SMCHD1: variants seen among roughly 807,000 people sequenced by gnomAD.
SMCHD1 encodes the protein structural maintenance of chromosomes flexible hinge domain-containing protein 1.
In SMCHD1, 78 loss-of-function variants were observed where a neutral mutation model predicts 254.7. That is an observed-to-expected ratio of 0.31 (90% confidence interval 0.26 to 0.37). SMCHD1 has a LOEUF of 0.37. Among genes scored for constraint, SMCHD1 ranks in the 10% least tolerant of loss-of-function variants. The pLI is 1.00. For synonymous variants in SMCHD1, 766 were observed against 794.9 expected (o/e 0.96, Z 0.61); for missense variants, 1,840 against 2,408.1 (o/e 0.76, Z 4.94).
At chr18:2,738,241 A>G (rs375848854) in intron 25 of SMCHD1, among the ~76,000 whole-genome samples, 156 bp from the exon 26 acceptor site, 2 of 152,212 alleles carry the variant, frequency 1.3e-5, no homozygotes, top group African/African-American at 4.8e-5. Flanking sequence ...TTTGTATCAT[A>G]TTAGTATATG....
At chr18:2,698,106 TC>T in intron 10 of SMCHD1, 65 bp downstream of exon 10, 1 of 1,305,526 alleles carries the variant, frequency 7.7e-7, no homozygotes, top group Non-Finnish European at 1.1e-6. Flanking sequence ...GATTTGTTTT[TC>T]TAAATGATTA....
At chr18:2,785,000 T>C (rs1454953338) in intron 45 of SMCHD1, 2 of 340,930 alleles carry the variant, frequency 5.9e-6, no homozygotes, top group Non-Finnish European at 1.1e-5. Context: ...CAGTATTTTA[T>C]TACATAATCA....
At chr18:2,656,983 G>C (rs944201085) in intron 1 of SMCHD1, among the ~76,000 whole-genome samples, 2 of 152,186 alleles carry the variant, frequency 1.3e-5, no homozygotes, top group Admixed American at 6.5e-5. Context: ...AATGAACGTG[G>C]AGGGAAATCC....
intron 17 of SMCHD1, among the ~76,000 whole-genome samples, chr18:2,708,890 ATATATATATATATAT>A (rs1568198456): frequency 7.9e-5 from 6 of 75,524 alleles, no homozygotes; most frequent in African/African-American, 3.8e-4. Context: ...ATATATATAT[ATATATATATATATAT>A]ATAACATATT....
At chr18:2,722,490 T>C (rs1335945989) in intron 19 of SMCHD1, 29 bp from the exon 20 acceptor site, 2 of 1,598,960 alleles carry the variant, frequency 1.3e-6, no homozygotes, top group Non-Finnish European at 1.7e-6. Context: ...ATGTACTTGC[T>C]TTTCATTTCA....
chr18:2,739,146 C>T (rs1447366338), intron 26 of SMCHD1, among the ~76,000 whole-genome samples: 1 of 152,154 alleles, frequency 6.6e-6, no homozygotes, highest in Non-Finnish European at 1.5e-5. Context: ...GAGTTGTTAA[C>T]TCATCTGTTT....
At chr18:2,781,155 C>T (rs2076151512) in intron 44 of SMCHD1, among the ~76,000 whole-genome samples, 1 of 152,212 alleles carries the variant, frequency 6.6e-6, no homozygotes, top group African/African-American at 2.4e-5. Flanking sequence ...GACACCCCCT[C>T]TGTGGGGGGA....
intron 45 of SMCHD1, among the ~76,000 whole-genome samples, chr18:2,792,046 A>G (rs920104332): frequency 2.0e-5 from 3 of 152,244 alleles, no homozygotes; most frequent in East Asian, 1.9e-4. Flanking sequence ...GCGAGCTGCT[A>G]TATTCCCAAA....
chr18:2,667,096 C>A, intron 3 of SMCHD1, 65 bp downstream of exon 3: 1 of 1,133,936 alleles, frequency 8.8e-7, no homozygotes, highest in Non-Finnish European at 1.2e-6. Context: ...GATTACGTAT[C>A]CCATTCCTTC....
intron 8 of SMCHD1, 44 bp downstream of exon 8, chr18:2,694,737 T>C: frequency 6.5e-7 from 1 of 1,535,272 alleles, no homozygotes; most frequent in South Asian, 1.1e-5. Context: ...TACTTAACTT[T>C]TTTAAGGCAG....
chr18:2,707,367 C>A, intron 15 of SMCHD1, 196 bp from the exon 16 acceptor site: 2 of 308,876 alleles, frequency 6.5e-6, no homozygotes, highest in East Asian at 5.0e-5. Context: ...TTTTTTTCTT[C>A]TTCTTTTTTT....
intron 10 of SMCHD1, among the ~76,000 whole-genome samples, chr18:2,700,074 ACTT>A (rs766217436): frequency 2.0e-5 from 3 of 152,220 alleles, no homozygotes; most frequent in Non-Finnish European, 2.9e-5. Flanking sequence ...TAAAAAGTAA[ACTT>A]AATTTTAGCA....
Position 2,802,691 on chromosome 18 carries a change from T to C in SMCHD1, c.*139T>C, listed in dbSNP as rs1315454367. 1.5e-6 allele frequency: 1 copy of C among 671,742 alleles called. No individual in the cohort carries two copies. The highest frequency in any genetic ancestry group is 1.9e-5 in the African/African-American group (1 of 53,150). 41.6% of individuals were successfully genotyped at this position (671,742 alleles called of 1,614,324 possible). On this transcript the variant is annotated 3_prime_UTR_variant, in exon 48 of 48. Transcript: ENST00000320876. Reference sequence around the variant, plus strand: ...ACAAGTACCTGGGCATGAATTTCCATTTCGATTCAGATGGGACTGGAAACA... The same window carrying C: ...ACAAGTACCTGGGCATGAATTTCCACTTCGATTCAGATGGGACTGGAAACA...
At chr18:2,737,022 C>G (rs764805558) in intron 25 of SMCHD1, among the ~76,000 whole-genome samples, 1 of 152,144 alleles carries the variant, frequency 6.6e-6, no homozygotes, top group Non-Finnish European at 1.5e-5. Flanking sequence ...AGAAAATACA[C>G]CACAGAATAC....
intron 1 of SMCHD1, among the ~76,000 whole-genome samples, chr18:2,658,143 T>A (rs974360853): frequency 1.1e-4 from 17 of 152,250 alleles, no homozygotes; most frequent in African/African-American, 3.6e-4. Context: ...TTGCTTAGTT[T>A]GAAATCTTAG....
intron 12 of SMCHD1, chr18:2,701,177 T>TA: frequency 4.0e-6 from 1 of 248,654 alleles, no homozygotes; most frequent in Non-Finnish European, 7.6e-6. Context: ...TTTTTTTTTT[T>TA]AAGACAGGAG....
Position 2,656,100 on chromosome 18 carries a change from C to A in SMCHD1, c.25C>A (p.Pro9Thr). The A allele has an allele frequency of 7.1e-7, 1 of 1,411,668 alleles. No individual in the cohort carries two copies. Among genetic ancestry groups the A allele is most frequent in the Non-Finnish European group, 9.3e-7 (1 of 1,080,666 alleles). 87.4% of individuals were successfully genotyped at this position (1,411,668 alleles called of 1,614,324 possible). The change falls in exon 1 of 48, where the codon CCT becomes ACT. Residue 9 changes from proline to threonine, a missense_variant. Coordinates refer to ENST00000320876, the MANE Select transcript of SMCHD1 (RefSeq NM_015295.3). MAAADGGG[P>T]GGASVGTEED... Reference sequence around the variant, plus strand: ...TATGGCAGCGGCGGACGGCGGCGGGCCTGGTGGGGCCTCTGTGGGGACTGA... The same window carrying A: ...TATGGCAGCGGCGGACGGCGGCGGGACTGGTGGGGCCTCTGTGGGGACTGA...
intron 17 of SMCHD1, among the ~76,000 whole-genome samples, chr18:2,709,968 A>T (rs11080980): frequency 1.3e-5 from 2 of 152,144 alleles, no homozygotes; most frequent in East Asian, 3.9e-4. Flanking sequence ...AGAGATTGTT[A>T]CTAAATTCAG....
Position 2,796,435 on chromosome 18 carries a change from C to G in SMCHD1, c.5907C>G (p.Asp1969Glu), listed in dbSNP as rs553815732. 62 of 1,602,346 alleles carry G rather than the reference C, an allele frequency of 3.9e-5. No individual in the cohort carries two copies. Among genetic ancestry groups the G allele is most frequent in the Middle Eastern group, 1.7e-4 (1 of 6,048 alleles). The part of the protein sequence containing the change: ...LGMTPIRKCN[D>E]SLRHSPKVET... ...TGACTCCCATACGTAAGTGTAATGACTCATTGCGTCATTCACCAAAGGTTG... is the reference window on the plus strand; with the variant it reads ...TGACTCCCATACGTAAGTGTAATGAGTCATTGCGTCATTCACCAAAGGTTG... Residue 1969 changes from aspartate to glutamate, a missense_variant, in exon 47 of 48, where the codon GAC (aspartate) becomes GAG (glutamate). Asp to Glu is a conservative substitution (Grantham distance 45). This residue lies in a region of SMCHD1 where 132 missense variants were observed against 138.2 expected (regional missense o/e 0.95). Coordinates refer to ENST00000320876, the MANE Select transcript of SMCHD1 (RefSeq NM_015295.3).
Sources: gnomAD v4.1 joint callset for allele counts (sites outside exome capture counted in the v4.1 genomes callset) on GRCh38, gnomAD v4.1.1 for gene constraint, gnomAD v4.1.1 regional missense constraint, MANE v1.5 for transcripts, NCBI Gene and HGNC (gene_info 2026-07-23, HGNC 2026-07-21) for gene names.